The following ARFGEF2 variants were observed in gnomAD, a reference collection of about 807,000 sequenced individuals.
ARFGEF2 encodes the protein ARF guanine nucleotide exchange factor 2.
Under a neutral mutation model 219.9 loss-of-function variants are expected in ARFGEF2, and 74 were observed. That is an observed-to-expected ratio of 0.34 (90% CI 0.28 to 0.41). ARFGEF2 has a LOEUF of 0.41. Among genes scored for constraint, ARFGEF2 ranks in the 10% least tolerant of loss-of-function variants. The pLI, the probability that ARFGEF2 is intolerant of heterozygous loss-of-function variation, is 1.00. For missense variants in ARFGEF2, 1,743 were observed against 2,218.3 expected (o/e 0.79, Z 4.30); for synonymous variants, 733 against 799.2 (o/e 0.92, Z 1.40).
At chr20:49,026,072 C>T (rs543299885) in intron 36 of ARFGEF2, among the ~76,000 whole-genome samples, 1 of 151,360 alleles carries the variant, frequency 6.6e-6, no homozygotes, top group East Asian at 2.0e-4. Flanking sequence ...CGGTGGCTCA[C>T]GCCTGTAATC....
At chr20:48,996,502 T>C (rs1411185001) in intron 23 of ARFGEF2, among the ~76,000 whole-genome samples, 1 of 151,356 alleles carries the variant, frequency 6.6e-6, no homozygotes, top group East Asian at 1.9e-4. Context: ...CCCAGCACTT[T>C]GGGAGGCAGG....
chr20:48,991,794 G>A (rs1002793301), intron 21 of ARFGEF2, among the ~76,000 whole-genome samples: 2 of 152,132 alleles, frequency 1.3e-5, no homozygotes, highest in Admixed American at 6.5e-5. Context: ...GTATGGTACA[G>A]CATTTTTTAG....
chr20:49,031,244 T>A lies in ARFGEF2; in HGVS notation c.5064-805T>A, dbSNP rs964882060. On this transcript the variant is annotated intron_variant, in intron 37 of 38. Coordinates refer to ENST00000371917, the MANE Select transcript of ARFGEF2 (RefSeq NM_006420.3). ...ACTTTTTTTTTTTTTTTTTTTTTTT[T>A]TTTTTGAGATAGTCTCACTCTATCG... 2.1e-5 allele frequency among the ~76,000 whole-genome samples: 3 copies of A among 142,460 alleles called. 1 individual carries two copies. Among genetic ancestry groups the A allele is most frequent in the African/African-American group, 8.0e-5 (3 of 37,578 alleles). The allele number at this position is 142,460 out of a possible 152,430, so 93.5% of individuals were successfully genotyped here. A position where few individuals can be genotyped will look rare whatever the true frequency, so the allele number is the denominator to read the frequency against.
intron 1 of ARFGEF2, among the ~76,000 whole-genome samples, chr20:48,932,759 G>A (rs2090920999): frequency 6.6e-6 from 1 of 152,160 alleles, no homozygotes; most frequent in Non-Finnish European, 1.5e-5. Flanking sequence ...GGAAGGAGCT[G>A]GAAGTTCCCC....
At chr20:48,968,688 T>C (rs1205238320) in intron 8 of ARFGEF2, among the ~76,000 whole-genome samples, 1 of 152,190 alleles carries the variant, frequency 6.6e-6, no homozygotes, top group Non-Finnish European at 1.5e-5. Flanking sequence ...CTTAGAAATA[T>C]CTTTCTTACC....
chr20:49,031,042 A>G (rs189242239), intron 37 of ARFGEF2, among the ~76,000 whole-genome samples: 12 of 152,072 alleles, frequency 7.9e-5, no homozygotes, highest in African/African-American at 2.9e-4. Flanking sequence ...CATGTTTTTT[A>G]AAAAAGCAAT....
chr20:48,933,529 C>G (rs915706770), intron 1 of ARFGEF2, among the ~76,000 whole-genome samples: 1 of 152,116 alleles, frequency 6.6e-6, no homozygotes, highest in African/African-American at 2.4e-5. Flanking sequence ...AGTGAGTCAG[C>G]TATCATCATT....
At chr20:49,018,252 G>A (rs1444370414) in intron 33 of ARFGEF2, among the ~76,000 whole-genome samples, 3 of 151,490 alleles carry the variant, frequency 2.0e-5, no homozygotes, top group African/African-American at 7.3e-5. Context: ...TATTTTTCTC[G>A]AGACAGAGTC....
chr20:48,958,171 C>A (rs749590744), intron 6 of ARFGEF2, among the ~76,000 whole-genome samples: 18 of 152,168 alleles, frequency 1.2e-4, no homozygotes, highest in Non-Finnish European at 1.0e-4. Context: ...CACACAAGCA[C>A]CTACATATAA....
At chr20:48,982,549 A>G (rs2091302975) in intron 14 of ARFGEF2, among the ~76,000 whole-genome samples, 1 of 152,146 alleles carries the variant, frequency 6.6e-6, no homozygotes, top group Admixed American at 6.5e-5. Context: ...AGGGATGTTT[A>G]AGTCTGCAGA....
intron 26 of ARFGEF2, among the ~76,000 whole-genome samples, chr20:49,009,125 C>T (rs2091481092): frequency 6.6e-6 from 1 of 152,138 alleles, no homozygotes; most frequent in African/African-American, 2.4e-5. Flanking sequence ...CAACAAGTTG[C>T]TTTATTCTCC....
chr20:48,962,999 G>T (rs551867835), intron 6 of ARFGEF2, among the ~76,000 whole-genome samples: 9 of 152,080 alleles, frequency 5.9e-5, no homozygotes, highest in Admixed American at 2.0e-4. Context: ...CTTGAACTCA[G>T]GAGTTCAAGA....
chr20:48,981,597 C>T (rs1322220688), intron 14 of ARFGEF2, among the ~76,000 whole-genome samples: 1 of 152,200 alleles, frequency 6.6e-6, no homozygotes, highest in Non-Finnish European at 1.5e-5. Context: ...GTTCCATTCT[C>T]CCTGTCACTT....
chr20:48,969,779 A>C (rs1479669899), intron 9 of ARFGEF2, among the ~76,000 whole-genome samples: 1 of 152,212 alleles, frequency 6.6e-6, no homozygotes, highest in Non-Finnish European at 1.5e-5. Flanking sequence ...AGCCAGAGAG[A>C]GCTGCATTTA....
intron 1 of ARFGEF2, among the ~76,000 whole-genome samples, chr20:48,935,061 A>G (rs184385220): frequency 1.1e-4 from 16 of 151,952 alleles, no homozygotes; most frequent in Middle Eastern, 6.8e-3. Flanking sequence ...CTGGCGTGAG[A>G]TGGTATCTCG....
chr20:48,983,489 C>CT (rs2091308891), intron 14 of ARFGEF2, among the ~76,000 whole-genome samples: 1 of 152,196 alleles, frequency 6.6e-6, no homozygotes, highest in Admixed American at 6.5e-5. Flanking sequence ...CTAAAGTAAT[C>CT]TTTTTAAAAC....
intron 8 of ARFGEF2, among the ~76,000 whole-genome samples, chr20:48,967,535 C>G (rs1490104494): frequency 6.6e-6 from 1 of 152,190 alleles, no homozygotes; most frequent in East Asian, 1.9e-4. Flanking sequence ...GAGGCTGAGG[C>G]TGGAGGATCG....
intron 34 of ARFGEF2, among the ~76,000 whole-genome samples, chr20:49,020,014 G>A (rs1450840662): frequency 6.6e-6 from 1 of 152,182 alleles, no homozygotes; most frequent in Non-Finnish European, 1.5e-5. Context: ...CATGTGTATT[G>A]TTTCATGTAA....
chr20:48,981,868 A>G (rs1342190797), intron 14 of ARFGEF2, among the ~76,000 whole-genome samples: 1 of 152,110 alleles, frequency 6.6e-6, no homozygotes, highest in Non-Finnish European at 1.5e-5. Context: ...TGTTTATTCT[A>G]GTTAGCCATT....
Sources: gnomAD v4.1 joint callset for allele counts (sites outside exome capture counted in the v4.1 genomes callset) on GRCh38, gnomAD v4.1.1 for gene constraint, MANE v1.5 for transcripts, NCBI Gene and HGNC (gene_info 2026-07-23, HGNC 2026-07-21) for gene names.